Variants in LRBA observed in about 807,000 individuals in gnomAD.
The protein encoded by LRBA is lipopolysaccharide-responsive and beige-like anchor protein.
LRBA carries 176 observed loss-of-function variants against 330.0 expected under a neutral mutation model. The observed-to-expected ratio is 0.53, with a 90% CI of 0.47 to 0.60. The LOEUF (loss-of-function observed/expected upper bound fraction) is 0.60. LRBA is among the 20% of genes least tolerant of loss of function. The pLI, the probability that LRBA is intolerant of heterozygous loss-of-function variation, is 0.00. For synonymous variants in LRBA, 1,230 were observed against 1,193.0 expected, an observed-to-expected ratio of 1.03 and a Z score of -0.64; for missense variants, 3,259 against 3,444.8, an observed-to-expected ratio of 0.95 and a Z score of 1.35.
At chr4:150,551,385 A>C (rs1766571380) in intron 40 of LRBA, among the ~76,000 whole-genome samples, 1 of 152,176 alleles carries the variant, frequency 6.6e-6, no homozygotes, top group African/African-American at 2.4e-5. Context: ...CAGCTACATA[A>C]AAAAGACTAA....
intron 40 of LRBA, among the ~76,000 whole-genome samples, chr4:150,548,633 T>A (rs1766167500): frequency 6.6e-6 from 1 of 151,934 alleles, no homozygotes; most frequent in Non-Finnish European, 1.5e-5. Flanking sequence ...AAAACAGATT[T>A]AAAAAAAAAT....
At chr4:150,899,495 C>T (rs1394146667) in intron 14 of LRBA, among the ~76,000 whole-genome samples, 3 of 152,024 alleles carry the variant, frequency 2.0e-5, no homozygotes, top group Non-Finnish European at 4.4e-5. Flanking sequence ...TAGTTACAAC[C>T]AAAAGAGCCA....
chr4:150,805,164 C>A (rs760562467), intron 33 of LRBA, among the ~76,000 whole-genome samples: 2 of 134,394 alleles, frequency 1.5e-5, no homozygotes, highest in African/African-American at 5.7e-5. Context: ...ATGCTCCATG[C>A]GCAAAAAGAA....
intron 37 of LRBA, among the ~76,000 whole-genome samples, chr4:150,635,334 T>G (rs889643300): frequency 2.6e-5 from 4 of 152,232 alleles, no homozygotes; most frequent in African/African-American, 9.6e-5. Flanking sequence ...TTCAAACTGT[T>G]TAATAACATT....
rs531138610 is a variant in LRBA at position 150,711,873 on chromosome 4, G to C, written c.5754+23385C>G. ...AACAGAGGCAATAATATCAATAAAAGACCTTTTAAAATGCTCAGTATCATC... is the reference window on the plus strand; with the variant it reads ...AACAGAGGCAATAATATCAATAAAACACCTTTTAAAATGCTCAGTATCATC... On this transcript the variant is annotated intron_variant, in intron 36 of 56. Coordinates refer to ENST00000651943, the MANE Select transcript of LRBA (RefSeq NM_001364905.1). Among the ~76,000 whole-genome samples the C allele has an allele frequency of 3.3e-5, 5 of 152,222 alleles. No individual in the cohort carries two copies. In the East Asian group the frequency reaches 9.6e-4, roughly 29 times the overall value.
rs78202219 is a variant in LRBA at position 150,305,465 on chromosome 4, G to A, written c.7850-2673C>T. Reference sequence around the variant, plus strand: ...ATACTTAGCACCTATTAAGTGCCAAGCATTAGGCCTTCTTACCTGTATACA... The same window carrying A: ...ATACTTAGCACCTATTAAGTGCCAAACATTAGGCCTTCTTACCTGTATACA... On this transcript the variant is annotated intron_variant, in intron 52 of 56. Transcript: ENST00000651943. Among the ~76,000 whole-genome samples the A allele has an allele frequency of 4.2e-3, 637 of 152,264 alleles. 2 individuals are homozygous for A. Among genetic ancestry groups the A allele is most frequent in the Non-Finnish European group, 7.5e-3 (507 of 68,020 alleles).
intron 2 of LRBA, among the ~76,000 whole-genome samples, chr4:150,960,645 G>C (rs1346654068): frequency 6.7e-6 from 1 of 149,136 alleles, no homozygotes; most frequent in South Asian, 2.1e-4. Context: ...GGGATTCTAA[G>C]ATGACTGGCA....
intron 52 of LRBA, among the ~76,000 whole-genome samples, chr4:150,307,630 G>T (rs1730533924): frequency 6.6e-6 from 1 of 151,672 alleles, no homozygotes; most frequent in Admixed American, 6.6e-5. Context: ...TGTGGTCCCA[G>T]CTACTTGGCA....
chr4:150,850,978 A>G, intron 23 of LRBA, 76 bp from the exon 24 acceptor site: 1 of 1,044,292 alleles, frequency 9.6e-7, no homozygotes, highest in Non-Finnish European at 1.4e-6. Flanking sequence ...ATAATTTAGT[A>G]GCTTCTATGC....
intron 35 of LRBA, among the ~76,000 whole-genome samples, chr4:150,759,080 C>T (rs1419285493): frequency 6.6e-6 from 1 of 151,472 alleles, no homozygotes; most frequent in African/African-American, 2.4e-5. Context: ...CTATACCAGG[C>T]TAATTGTTTG....
chr4:150,425,154 A>G (rs1158944500), intron 46 of LRBA, among the ~76,000 whole-genome samples: 2 of 152,208 alleles, frequency 1.3e-5, no homozygotes, highest in Non-Finnish European at 2.9e-5. Context: ...TGACAGATGA[A>G]ATGTAGTAAC....
chr4:150,732,623 GTTGT>G (rs1174962361), intron 36 of LRBA, among the ~76,000 whole-genome samples: 2 of 151,838 alleles, frequency 1.3e-5, no homozygotes, highest in East Asian at 3.8e-4. Flanking sequence ...TGTCTATTGG[GTTGT>G]TTTTCTTATA....
At chr4:151,014,251 T>C (rs1745176505) in intron 2 of LRBA, 176 bp downstream of exon 2, 3 of 573,542 alleles carry the variant, frequency 5.2e-6, no homozygotes, top group Middle Eastern at 4.6e-4. Flanking sequence ...GTTTGCACAA[T>C]TCCCTTCAAT....
chr4:150,809,909 C>CGATACGATACGATACGATAT (rs1560850262), intron 31 of LRBA, among the ~76,000 whole-genome samples: 1 of 151,114 alleles, frequency 6.6e-6, no homozygotes, highest in East Asian at 1.9e-4. Flanking sequence ...CGATACGATA[C>CGATACGATACGATACGATAT]GATACGATAC....
intron 28 of LRBA, among the ~76,000 whole-genome samples, chr4:150,836,225 G>T (rs1748045321): frequency 6.6e-6 from 1 of 152,086 alleles, no homozygotes; most frequent in Non-Finnish European, 1.5e-5. Context: ...GAGGATTTTT[G>T]CATCGATGTT....
chr4:150,433,785 T>C (rs1206757895), intron 46 of LRBA, among the ~76,000 whole-genome samples: 1 of 152,168 alleles, frequency 6.6e-6, no homozygotes, highest in East Asian at 1.9e-4. Context: ...CTTACTTTTA[T>C]CTAAACATCC....
intron 26 of LRBA, among the ~76,000 whole-genome samples, chr4:150,845,427 C>T (rs1474823209): frequency 6.6e-6 from 1 of 152,098 alleles, no homozygotes; most frequent in South Asian, 2.1e-4. Flanking sequence ...ACCTAAGGCT[C>T]CCACGAATCA....
chr4:150,510,540 C>T (rs1337377923), intron 40 of LRBA, among the ~76,000 whole-genome samples: 1 of 152,216 alleles, frequency 6.6e-6, no homozygotes, highest in African/African-American at 2.4e-5. Context: ...CTTGTACCTT[C>T]ACAAATTGTC....
chr4:150,852,187 T>C lies in LRBA; in HGVS notation c.3523A>G (p.Lys1175Glu), dbSNP rs775116087. The C allele has an allele frequency of 5.6e-6, 9 of 1,614,070 alleles. No homozygotes were observed. The highest frequency in any genetic ancestry group is 1.3e-5 in the African/African-American group (1 of 74,946). Reference protein sequence around the residue: ...KQTDTETQDSKDSGIQTMTAS... With the variant: ...KQTDTETQDSEDSGIQTMTAS... Reference sequence around the variant, plus strand: ...GTCATAGTCTGAATTCCAGAATCTTTAGAATCTTGAGTTTCAGTATCAGTT... The same window carrying C: ...GTCATAGTCTGAATTCCAGAATCTTCAGAATCTTGAGTTTCAGTATCAGTT... Residue 1175 changes from lysine to glutamate, a missense_variant, in exon 23 of 57, where the codon AAA (lysine) becomes GAA (glutamate). By Grantham distance (56) the Lys-to-Glu change is moderately conservative. Transcript: ENST00000651943.
Sources: gnomAD v4.1 joint callset for allele counts (sites outside exome capture counted in the v4.1 genomes callset) on GRCh38, gnomAD v4.1.1 for gene constraint, MANE v1.5 for transcripts, NCBI Gene and HGNC (gene_info 2026-07-23, HGNC 2026-07-21) for gene names.